Variants in SLC35F3 observed in about 807,000 individuals in gnomAD.
SLC35F3 encodes solute carrier family 35 member F3.
SLC35F3 carries 25 observed loss-of-function variants against 49.9 expected under a neutral mutation model. The ratio of observed to expected loss-of-function variants is 0.50; its 90% CI spans 0.37 to 0.70. The LOEUF (loss-of-function observed/expected upper bound fraction) is 0.70, where lower values mean the gene tolerates loss of function less well. Among genes scored for constraint, SLC35F3 ranks in the 30% least tolerant of loss-of-function variants. The pLI, the probability that SLC35F3 is intolerant of heterozygous loss-of-function variation, is 0.00. For missense variants in SLC35F3, 525 were observed against 639.8 expected (o/e 0.82, Z 1.94); for synonymous variants, 275 against 265.4 (o/e 1.04, Z -0.35).
At chr1:234,297,843 G>C (rs1171150442) in intron 3 of SLC35F3, among the ~76,000 whole-genome samples, 1 of 152,144 alleles carries the variant, frequency 6.6e-6, no homozygotes, top group Non-Finnish European at 1.5e-5. Context: ...GTTAGTCAGA[G>C]TGCAAAGTTT....
At chr1:234,167,993 C>T (rs1456798828) in intron 2 of SLC35F3, among the ~76,000 whole-genome samples, 1 of 152,174 alleles carries the variant, frequency 6.6e-6, no homozygotes, top group Admixed American at 6.5e-5. Flanking sequence ...GCCATTGTAG[C>T]CCAAGAGTAG....
chr1:234,019,129 A>C (rs1333410187), intron 2 of SLC35F3, among the ~76,000 whole-genome samples: 2 of 152,204 alleles, frequency 1.3e-5, no homozygotes, highest in Non-Finnish European at 2.9e-5. Context: ...ATTCCAGCCA[A>C]GTCTAAGAGG....
intron 2 of SLC35F3, among the ~76,000 whole-genome samples, chr1:234,013,685 C>A (rs1663758816): frequency 6.6e-6 from 1 of 151,926 alleles, no homozygotes; most frequent in Non-Finnish European, 1.5e-5. Context: ...ACAAAGGATT[C>A]TAAGAGATTA....
intron 2 of SLC35F3, among the ~76,000 whole-genome samples, chr1:234,041,565 A>G (rs1215918314): frequency 6.6e-6 from 1 of 152,078 alleles, no homozygotes; most frequent in East Asian, 1.9e-4. Flanking sequence ...ATCTATATGC[A>G]TTCACACTCA....
At chr1:233,979,407 C>G (rs1311984749) in intron 2 of SLC35F3, among the ~76,000 whole-genome samples, 1 of 152,186 alleles carries the variant, frequency 6.6e-6, no homozygotes, top group Non-Finnish European at 1.5e-5. Flanking sequence ...AGTACCCAAG[C>G]CTTTCAGACA....
chr1:234,074,359 G>A (rs1194571099), intron 2 of SLC35F3, among the ~76,000 whole-genome samples: 1 of 152,192 alleles, frequency 6.6e-6, no homozygotes, highest in African/African-American at 2.4e-5. Flanking sequence ...TAAAAGCAAT[G>A]CCAGAGCAAG....
intron 2 of SLC35F3, among the ~76,000 whole-genome samples, chr1:234,185,651 T>G (rs1666631838): frequency 6.6e-6 from 1 of 152,162 alleles, no homozygotes; most frequent in Admixed American, 6.5e-5. Flanking sequence ...CCATCTCTGC[T>G]TTACAGAATA....
intron 2 of SLC35F3, among the ~76,000 whole-genome samples, chr1:234,139,251 A>G (rs953186629): frequency 1.3e-5 from 2 of 152,218 alleles, no homozygotes; most frequent in Non-Finnish European, 2.9e-5. Flanking sequence ...ATGTAGTTGC[A>G]TGTAGTTGTT....
At chr1:233,984,166 C>T (rs977247721) in intron 2 of SLC35F3, among the ~76,000 whole-genome samples, 2 of 152,190 alleles carry the variant, frequency 1.3e-5, no homozygotes, top group African/African-American at 4.8e-5. Flanking sequence ...CAAAAAGCTA[C>T]TCGGCTCTTC....
Position 233,969,340 on chromosome 1 carries a change from G to A in SLC35F3, c.283+63582G>A, listed in dbSNP as rs574533103. On this transcript the variant is annotated intron_variant, in intron 2 of 7. Coordinates refer to ENST00000366618, the MANE Select transcript of SLC35F3 (RefSeq NM_173508.4). ...GTGTGCGGTCATGATGGGCACTGTC[G>A]GTGGAGAGCTGACATGGTGTGATCA... is the stretch of plus-strand genomic sequence containing the variant. Among the ~76,000 whole-genome samples the A allele has an allele frequency of 7.9e-5, 12 of 152,330 alleles. No individual in the cohort carries two copies. In the East Asian group the frequency reaches 9.6e-4, roughly 12 times the overall value.
chr1:233,951,229 T>C (rs1479893840), intron 2 of SLC35F3, among the ~76,000 whole-genome samples: 2 of 152,052 alleles, frequency 1.3e-5, no homozygotes, highest in Non-Finnish European at 2.9e-5. Flanking sequence ...CATAAGATTA[T>C]ACTGAAGCTG....
chr1:234,139,142 T>A (rs1249306293), intron 2 of SLC35F3, among the ~76,000 whole-genome samples: 1 of 152,218 alleles, frequency 6.6e-6, no homozygotes, highest in Non-Finnish European at 1.5e-5. Flanking sequence ...CCTCTTTATG[T>A]CCTTCTAACA....
intron 2 of SLC35F3, among the ~76,000 whole-genome samples, chr1:234,226,244 C>T (rs1287234059): frequency 7.2e-5 from 11 of 152,184 alleles, no homozygotes; most frequent in Admixed American, 5.2e-4. Context: ...AAGGCATCAT[C>T]TCCCATTTCC....
chr1:233,928,897 A>G (rs191854806), intron 2 of SLC35F3, among the ~76,000 whole-genome samples: 1 of 152,276 alleles, frequency 6.6e-6, no homozygotes, highest in Admixed American at 6.5e-5. Context: ...GTATTGAAAC[A>G]TGGCTATGCA....
At chr1:234,112,774 C>T (rs1404945612) in intron 2 of SLC35F3, among the ~76,000 whole-genome samples, 81 of 106,132 alleles carry the variant, frequency 7.6e-4, no homozygotes, top group African/African-American at 3.0e-3. Flanking sequence ...GACAGGGTTT[C>T]ACCTGTTAGC....
In SLC35F3 at chr1:234,027,720, TG is replaced by T. The variant is rs987541079; in HGVS notation, c.283+121963del. 6.6e-6 allele frequency among the ~76,000 whole-genome samples: 1 copy of T among 152,192 alleles called. No homozygotes were observed. Among genetic ancestry groups the T allele is most frequent in the African/African-American group, 2.4e-5 (1 of 41,452 alleles). On this transcript the variant is annotated intron_variant, in intron 2 of 7. Transcript: ENST00000366618. The surrounding 1 kb of genome is among the most constrained non-coding windows in gnomAD (Gnocchi z 4.1). ...TGGATGAAGAGAGGGTAATTTTGTT[TG>T]TTTATTCCCTGTATTCCTTCATTTA...
intron 2 of SLC35F3, among the ~76,000 whole-genome samples, chr1:234,185,633 C>G (rs1250145612): frequency 6.6e-6 from 1 of 152,154 alleles, no homozygotes; most frequent in Non-Finnish European, 1.5e-5. Context: ...TGGGGCCACT[C>G]TGAAAAGCCA....
At chr1:234,144,259 G>A (rs925267521) in intron 2 of SLC35F3, among the ~76,000 whole-genome samples, 6 of 152,140 alleles carry the variant, frequency 3.9e-5, no homozygotes, top group Non-Finnish European at 5.9e-5. Flanking sequence ...GTTGAGTGTC[G>A]GTGCTCTTGG....
At chr1:234,087,475 G>A (rs754926661) in intron 2 of SLC35F3, among the ~76,000 whole-genome samples, 59 of 152,128 alleles carry the variant, frequency 3.9e-4, no homozygotes, top group Non-Finnish European at 7.2e-4. Flanking sequence ...TCTGCCTAAC[G>A]ACACCCAATA....
Sources: gnomAD v4.1 joint callset for allele counts (sites outside exome capture counted in the v4.1 genomes callset) on GRCh38, gnomAD v4.1.1 for gene constraint, Gnocchi (gnomAD v3.1) non-coding constraint, MANE v1.5 for transcripts, NCBI Gene and HGNC (gene_info 2026-07-23, HGNC 2026-07-21) for gene names.